Variants in NECTIN1 observed in about 807,000 individuals in gnomAD.
NECTIN1 encodes the protein nectin-1.
Under a neutral mutation model 48.0 loss-of-function variants are expected in NECTIN1, and 23 were observed. That is an observed-to-expected ratio of 0.48 (90% CI 0.34 to 0.68). NECTIN1 has a LOEUF of 0.68. Among genes scored for constraint, NECTIN1 ranks in the 30% least tolerant of loss-of-function variants. The pLI is 0.01. For synonymous variants in NECTIN1, 270 were observed against 288.9 expected (o/e 0.93, Z 0.66); for missense variants, 591 against 709.9 (o/e 0.83, Z 1.90).
At chr11:119,675,102 G>A in intron 5 of NECTIN1, 57 bp downstream of exon 5, 1 of 1,593,724 alleles carries the variant, frequency 6.3e-7, no homozygotes, top group Non-Finnish European at 8.6e-7. Flanking sequence ...GGTGAGGGAT[G>A]CAGGTGGCGA....
intron 4 of NECTIN1, 122 bp downstream of exon 4, chr11:119,676,980 C>T: frequency 1.2e-6 from 1 of 827,264 alleles, no homozygotes; most frequent in Admixed American, 1.8e-5. Context: ...CCGCTTCTTA[C>T]TGAGCCCAGA....
chr11:119,691,479 G>T (rs140289807), intron 1 of NECTIN1, among the ~76,000 whole-genome samples: 234 of 152,356 alleles, frequency 1.5e-3, no homozygotes, highest in African/African-American at 5.5e-3. Context: ...AGGCTGCTCT[G>T]CGGGTGGTCT....
intron 1 of NECTIN1, among the ~76,000 whole-genome samples, chr11:119,692,578 T>C (rs1865276705): frequency 6.6e-6 from 1 of 152,218 alleles, no homozygotes; most frequent in African/African-American, 2.4e-5. Flanking sequence ...TACAAAAGGG[T>C]CAGGTTCCCT....
At chr11:119,703,627 A>G (rs926989493) in intron 1 of NECTIN1, among the ~76,000 whole-genome samples, 1 of 152,190 alleles carries the variant, frequency 6.6e-6, no homozygotes, top group African/African-American at 2.4e-5. Flanking sequence ...GACCCGACCC[A>G]CAAGTGGCTG....
At chr11:119,690,001 G>A (rs117697870) in intron 1 of NECTIN1, among the ~76,000 whole-genome samples, 28 of 152,356 alleles carry the variant, frequency 1.8e-4, no homozygotes, top group South Asian at 1.4e-3. Flanking sequence ...CAAATTGCAC[G>A]TAACGTCTGG....
At chr11:119,692,655 T>C (rs1865278085) in intron 1 of NECTIN1, among the ~76,000 whole-genome samples, 2 of 152,228 alleles carry the variant, frequency 1.3e-5, no homozygotes, top group African/African-American at 4.8e-5. Flanking sequence ...GTGCCAGGCC[T>C]GGGGCTGGAT....
intron 5 of NECTIN1, among the ~76,000 whole-genome samples, chr11:119,666,031 C>A (rs1236274469): frequency 6.6e-6 from 1 of 152,154 alleles, no homozygotes; most frequent in African/African-American, 2.4e-5. Flanking sequence ...TGGCTGTGGT[C>A]TGGGCCTGCA....
intron 1 of NECTIN1, among the ~76,000 whole-genome samples, chr11:119,703,430 G>T (rs7111290): frequency 3.4e-4 from 51 of 151,956 alleles, no homozygotes; most frequent in Admixed American, 3.1e-3. Context: ...ACAATACCAC[G>T]CTGTCTTGTA....
downstream of NECTIN1, chr11:119,656,331 T>A (rs1338210277): frequency 6.6e-6 from 1 of 152,204 alleles, no homozygotes; most frequent in East Asian, 1.9e-4. Context: ...CGGCAGCACA[T>A]GTACTAAAAT....
rs1177493623 is a variant in NECTIN1 at position 119,677,742 on chromosome 11, C to T, written c.546G>A (p.Val182=). 6.2e-7 allele frequency: 1 copy of T among 1,614,120 alleles called. No individual in the cohort carries two copies. The highest frequency in any genetic ancestry group is 1.1e-5 in the South Asian group (1 of 91,080). Residue 182 remains valine, a synonymous_variant, in exon 3 of 6, where the codon GTG becomes GTA. Coordinates refer to ENST00000264025, the MANE Select transcript of NECTIN1 (RefSeq NM_002855.5). The surrounding 1 kb of genome is among the most constrained non-coding windows in gnomAD (Gnocchi z 5.4). ...CTTTTAACCGAGTTTCCCAGGATAC[C>T]ACACTGGGAGGCTTCCCATTGGCTG... ...CTSANGKPPS[V]VSWETRLKGE...
intron 1 of NECTIN1, among the ~76,000 whole-genome samples, chr11:119,690,861 C>G (rs1865240725): frequency 6.6e-6 from 1 of 152,148 alleles, no homozygotes; most frequent in African/African-American, 2.4e-5. Flanking sequence ...CTGCAGAAGC[C>G]ACTCACTTTT....
In NECTIN1 at chr11:119,638,236, C is replaced by T. The variant is rs556788278; in HGVS notation, c.1239G>A (p.Leu413=). The T allele has an allele frequency of 6.4e-5, 104 of 1,614,060 alleles. No individual in the cohort carries two copies. The highest frequency in any genetic ancestry group is 7.8e-5 in the Non-Finnish European group (92 of 1,180,006). The change falls in exon 8 of 8, where the codon CTG becomes CTA. Residue 413 remains leucine, a synonymous_variant. Transcript: ENST00000341398. ...CTTGCTGCTGCTGCCTCCCTGGGTC[C>T]AGGTGGACAACCTGGAAGAGAAGGC... is the stretch of plus-strand genomic sequence containing the variant.
intron 1 of NECTIN1, among the ~76,000 whole-genome samples, chr11:119,692,315 C>T (rs1049365729): frequency 6.6e-6 from 1 of 152,238 alleles, no homozygotes; most frequent in Non-Finnish European, 1.5e-5. Flanking sequence ...GCCTCGGTGG[C>T]CACCTGCTTC....
intron 1 of NECTIN1, among the ~76,000 whole-genome samples, chr11:119,712,580 C>CAA (rs138024431): frequency 3.5e-4 from 53 of 150,616 alleles, no homozygotes; most frequent in African/African-American, 1.3e-3. Context: ...TCAAAATCTT[C>CAA]AAAAAAAAAG....
intron 1 of NECTIN1, among the ~76,000 whole-genome samples, chr11:119,693,160 C>T (rs913518972): frequency 1.7e-4 from 26 of 152,210 alleles, no homozygotes; most frequent in African/African-American, 6.3e-4. Context: ...CCTCTTGCCT[C>T]CTCGTCCCAG....
At chr11:119,714,053 T>C (rs1865706593) in intron 1 of NECTIN1, 1 of 305,616 alleles carries the variant, frequency 3.3e-6, no homozygotes, top group Non-Finnish European at 6.6e-6. Flanking sequence ...ACATCGAAGC[T>C]CAGATTCTCC....
At chr11:119,655,890 CTT>C (rs923948935) in intron 5 of NECTIN1, among the ~76,000 whole-genome samples, 3 of 152,078 alleles carry the variant, frequency 2.0e-5, no homozygotes, top group Non-Finnish European at 4.4e-5. Flanking sequence ...TGAAAGGTCT[CTT>C]TTATTTTGAT....
At chr11:119,699,186 G>C (rs1865394255) in intron 1 of NECTIN1, among the ~76,000 whole-genome samples, 1 of 152,166 alleles carries the variant, frequency 6.6e-6, no homozygotes, top group Admixed American at 6.5e-5. Flanking sequence ...CGGCCCCCTG[G>C]TAGGTACCAG....
chr11:119,661,051 C>T lies in NECTIN1; in HGVS notation c.*3696G>A. The T allele has an allele frequency of 1.0e-6, 1 of 980,658 alleles. No homozygotes were observed. Among genetic ancestry groups the T allele is most frequent in the African/African-American group, 1.7e-5 (1 of 57,186 alleles). 60.7% of individuals were successfully genotyped at this position (980,658 alleles called of 1,614,324 possible). A position where few individuals can be genotyped will look rare whatever the true frequency, so the allele number is the denominator to read the frequency against. ...TTTTTAATCCTCAGTACATTTTCAA[C>T]CCATCATTTTTTTTTAATACAAGTA... On this transcript the variant is annotated 3_prime_UTR_variant, in exon 6 of 6. Coordinates refer to ENST00000264025, the MANE Select transcript of NECTIN1 (RefSeq NM_002855.5).
Sources: allele counts gnomAD v4.1 joint callset (sites outside exome capture counted in the v4.1 genomes callset), GRCh38; gene constraint gnomAD v4.1.1; non-coding constraint Gnocchi (gnomAD v3.1); transcripts MANE v1.5; gene names NCBI Gene and HGNC (gene_info 2026-07-23, HGNC 2026-07-21).